PPP2R5A: variants seen among roughly 807,000 people sequenced by gnomAD.
PPP2R5A encodes the protein serine/threonine-protein phosphatase 2A 56 kDa regulatory subunit alpha isoform.
A neutral mutation model predicts 64.2 loss-of-function variants in PPP2R5A; 25 were observed. The ratio of observed to expected loss-of-function variants is 0.39; its 90% CI spans 0.28 to 0.54. The LOEUF (loss-of-function observed/expected upper bound fraction) is 0.54, where lower values mean the gene tolerates loss of function less well. Among genes scored for constraint, PPP2R5A ranks in the 20% least tolerant of loss-of-function variants. The pLI, the probability that PPP2R5A is intolerant of heterozygous loss-of-function variation, is 0.67. For missense variants in PPP2R5A, 425 were observed against 576.3 expected, an observed-to-expected ratio of 0.74 and a Z score of 2.69; for synonymous variants, 198 against 201.2, an observed-to-expected ratio of 0.98 and a Z score of 0.13.
chr1:212,312,474 A>G (rs1407536377), intron 1 of PPP2R5A, among the ~76,000 whole-genome samples: 1 of 152,206 alleles, frequency 6.6e-6, no homozygotes, highest in Non-Finnish European at 1.5e-5. Context: ...CATAACTTCT[A>G]TCAGTTTCCC....
intron 1 of PPP2R5A, among the ~76,000 whole-genome samples, chr1:212,320,343 C>T (rs1023609588): frequency 1.3e-5 from 2 of 152,148 alleles, no homozygotes; most frequent in Non-Finnish European, 2.9e-5. Context: ...CCATGTCTAC[C>T]TCTTTCTACA....
At position 212,360,718 on chromosome 1, in the gene PPP2R5A, A is replaced by G. The variant is rs1297700537; in HGVS notation, c.1409A>G (p.Gln470Arg). The part of the protein sequence containing the change: ...ELKLKKALEK[Q>R]NSAYNMHSIL... ...AAGCTAAAGAAAGCTCTAGAAAAAC[A>G]GAATAGTGCTTACAACATGCACAGT... The change falls in exon 13 of 13, where the codon CAG becomes CGG. Residue 470 changes from glutamine to arginine, a missense_variant. By Grantham distance (43) the Gln-to-Arg change is conservative. Around this residue, in one of 4 missense-constraint regions of PPP2R5A, gnomAD observed 177 missense variants for 244.8 expected, o/e 0.72. Coordinates refer to ENST00000261461, the MANE Select transcript of PPP2R5A (RefSeq NM_006243.4). 6.2e-7 allele frequency: 1 copy of G among 1,602,050 alleles called. No individual in the cohort carries two copies. Among genetic ancestry groups the G allele is most frequent in the South Asian group, 1.1e-5 (1 of 88,472 alleles).
At chr1:212,287,997 C>T (rs964017373) in intron 1 of PPP2R5A, among the ~76,000 whole-genome samples, 60 of 152,234 alleles carry the variant, frequency 3.9e-4, no homozygotes, top group African/African-American at 1.3e-3. Flanking sequence ...CCAGGAGATG[C>T]AGCTTTGATA....
intron 1 of PPP2R5A, among the ~76,000 whole-genome samples, chr1:212,307,582 A>G (rs2102417979): frequency 6.6e-6 from 1 of 152,326 alleles, no homozygotes; most frequent in African/African-American, 2.4e-5. Flanking sequence ...CCAATGGTAC[A>G]TTATATAATA....
Position 212,297,809 on chromosome 1 carries a change from G to GTTTTTTTTTTTTTTTAT in PPP2R5A, c.181+11533_181+11534insATTTTTTTTTTTTTTTT, listed in dbSNP as rs78920543. ...ACTGAGAAACAAGATGAAGTGAATT[G>GTTTTTTTTTTTTTTTAT]TTTTTTTTTTTTTTTCTTTTTTATT... On this transcript the variant is annotated intron_variant, in intron 1 of 12. Coordinates refer to ENST00000261461, the MANE Select transcript of PPP2R5A (RefSeq NM_006243.4). 5.4e-4 allele frequency: 22 copies of GTTTTTTTTTTTTTTTAT among 40,428 alleles called. 3 individuals carry two copies. Among genetic ancestry groups the GTTTTTTTTTTTTTTTAT allele is most frequent in the Admixed American group, 2.4e-3 (11 of 4,678 alleles). 2.5% of individuals were successfully genotyped at this position (40,428 alleles called of 1,614,324 possible). A position where few individuals can be genotyped will look rare whatever the true frequency, so the allele number is the denominator to read the frequency against.
chr1:212,293,389 G>A (rs1237019523), intron 1 of PPP2R5A, among the ~76,000 whole-genome samples: 1 of 152,146 alleles, frequency 6.6e-6, no homozygotes, highest in East Asian at 1.9e-4. Flanking sequence ...TCTTTATAAG[G>A]ATGTCCTTGA....
intron 1 of PPP2R5A, among the ~76,000 whole-genome samples, chr1:212,292,468 A>G (rs1658616880): frequency 6.9e-6 from 1 of 145,368 alleles, no homozygotes; most frequent in South Asian, 2.2e-4. Flanking sequence ...TGAAGAAATT[A>G]TATGTTGGTT....
chr1:212,343,191 G>A (rs1571605656), intron 4 of PPP2R5A, among the ~76,000 whole-genome samples: 1 of 152,048 alleles, frequency 6.6e-6, no homozygotes, highest in South Asian at 2.1e-4. Context: ...GGCCTCAAGG[G>A]ATCCTCCCAC....
chr1:212,324,471 T>C (rs1659372030), intron 1 of PPP2R5A, among the ~76,000 whole-genome samples: 1 of 152,210 alleles, frequency 6.6e-6, no homozygotes. Flanking sequence ...ACTTAGCCTG[T>C]AGTGTTAGAA....
At chr1:212,356,798 T>G in intron 9 of PPP2R5A, 122 bp downstream of exon 9, 1 of 1,307,476 alleles carries the variant, frequency 7.6e-7, no homozygotes, top group South Asian at 1.5e-5. Context: ...GTACACAGAC[T>G]TGGTAGAAGA....
At position 212,325,737 on chromosome 1, in the gene PPP2R5A, A is replaced by G. The variant is rs543312484; in HGVS notation, c.182-3398A>G. 6.6e-5 allele frequency among the ~76,000 whole-genome samples: 10 copies of G among 152,264 alleles called. 1 individual carries two copies. The South Asian group carries it at 2.1e-3, about 32-fold the overall frequency. The stretch of plus-strand genomic sequence containing the variant: ...AAATAGATAACTGTATAAAGATATT[A>G]CTGAATAACTGAGAGAACTATGGGG... On this transcript the variant is annotated intron_variant, in intron 1 of 12. Transcript: ENST00000261461.
chr1:212,309,042 C>T lies in PPP2R5A; in HGVS notation c.182-20093C>T, dbSNP rs1296027573. 4 of 764,688 alleles carry T rather than the reference C, an allele frequency of 5.2e-6. No homozygotes were observed. In the Admixed American group the frequency reaches 6.8e-5, roughly 13 times the overall value. The allele number at this position is 764,688 out of a possible 1,614,324, so 47.4% of individuals were successfully genotyped here. ...ATATATATATATTTAGCCAGCTAGA[C>T]TCAGTTTAGATGATCTCGATTTTGT... On this transcript the variant is annotated intron_variant, in intron 1 of 12. Transcript: ENST00000261461.
intron 11 of PPP2R5A, chr1:212,358,299 T>G (rs1392769739): frequency 6.3e-6 from 1 of 159,276 alleles, no homozygotes; most frequent in African/African-American, 2.4e-5. Context: ...GGTAATATAT[T>G]CTAACTTCTT....
chr1:212,330,515 C>G (rs1022247662), intron 2 of PPP2R5A, among the ~76,000 whole-genome samples: 1 of 150,700 alleles, frequency 6.6e-6, no homozygotes, highest in Non-Finnish European at 1.5e-5. Flanking sequence ...CCACTGCATT[C>G]CAGCCTGGGT....
At chr1:212,344,824 G>A (rs1276962440) in intron 4 of PPP2R5A, among the ~76,000 whole-genome samples, 1 of 152,098 alleles carries the variant, frequency 6.6e-6, no homozygotes, top group Non-Finnish European at 1.5e-5. Flanking sequence ...ATAGGAGAGT[G>A]CTGACTGTGG....
chr1:212,360,878 A>AT lies in PPP2R5A; in HGVS notation c.*114dup, dbSNP rs754679804. The AT allele has an allele frequency of 3.7e-4, 408 of 1,103,252 alleles. No individual in the cohort carries two copies. Among genetic ancestry groups the AT allele is most frequent in the Non-Finnish European group, 4.7e-4 (387 of 830,672 alleles). 68.3% of individuals were successfully genotyped at this position (1,103,252 alleles called of 1,614,324 possible). The stretch of plus-strand genomic sequence containing the variant: ...TCAGTATAATATAATTAAAAGGCCA[A>AT]TTTTTTCTGGCAACTGTAAATGGAA... On this transcript the variant is annotated 3_prime_UTR_variant, in exon 13 of 13. Coordinates refer to ENST00000261461, the MANE Select transcript of PPP2R5A (RefSeq NM_006243.4).
Position 212,329,158 on chromosome 1 carries a change from G to C in PPP2R5A, c.205G>C (p.Glu69Gln). Residue 69 changes from glutamate (E) to glutamine (Q), a missense_variant, in exon 2 of 13, where the codon GAG (glutamate) becomes CAG (glutamine). Transcript: ENST00000261461. ...LKDATSNEQQELFCQKLQQCC... is the reference protein window; with the variant it reads ...LKDATSNEQQQLFCQKLQQCC... ...AGATGCCACTTCAAATGAACAACAA[G>C]AGCTTTTCTGTCAGAAGTTGCAGCA... is the stretch of plus-strand genomic sequence containing the variant. 1 of 1,532,302 alleles carries C rather than the reference G, an allele frequency of 6.5e-7. No individual in the cohort carries two copies. The highest frequency in any genetic ancestry group is 8.8e-7 in the Non-Finnish European group (1 of 1,139,302). The allele number at this position is 1,532,302 out of a possible 1,614,324, so 94.9% of individuals were successfully genotyped here. A position where few individuals can be genotyped will look rare whatever the true frequency, so the allele number is the denominator to read the frequency against.
chr1:212,346,494 T>C (rs1262381566), intron 5 of PPP2R5A, among the ~76,000 whole-genome samples: 1 of 152,126 alleles, frequency 6.6e-6, no homozygotes, highest in Non-Finnish European at 1.5e-5. Flanking sequence ...CTGTATACTT[T>C]ATTTCTAGAT....
intron 3 of PPP2R5A, among the ~76,000 whole-genome samples, chr1:212,340,516 G>T (rs915661579): frequency 7.2e-5 from 11 of 152,192 alleles, no homozygotes; most frequent in Non-Finnish European, 1.5e-4. Context: ...TGACTTTTCA[G>T]AGCGCTCTGT....
Sources: gnomAD v4.1 joint callset for allele counts (sites outside exome capture counted in the v4.1 genomes callset) on GRCh38, gnomAD v4.1.1 for gene constraint, gnomAD v4.1.1 regional missense constraint, MANE v1.5 for transcripts, NCBI Gene and HGNC (gene_info 2026-07-23, HGNC 2026-07-21) for gene names.